The following FGF14 variants were observed in gnomAD, a reference collection of about 807,000 sequenced individuals.
FGF14 encodes the protein fibroblast growth factor homologous factor 4.
A neutral mutation model predicts 25.5 loss-of-function variants in FGF14; 5 were observed. The observed-to-expected ratio is 0.20, with a 90% CI of 0.10 to 0.41. The LOEUF is 0.41. Ranked by LOEUF, FGF14 falls within the 10% of genes least tolerant of loss-of-function variation. The pLI is 1.00. For missense variants in FGF14, 222 were observed against 320.1 expected (o/e 0.69, Z 2.34); for synonymous variants, 138 against 118.3 (o/e 1.17, Z -1.08).
At chr13:101,891,701 T>C (rs2029862099) in intron 1 of FGF14, among the ~76,000 whole-genome samples, 1 of 152,138 alleles carries the variant, frequency 6.6e-6, no homozygotes, top group Non-Finnish European at 1.5e-5. Flanking sequence ...TACATACATA[T>C]ACAAATATAC....
chr13:102,401,381 T>C, intron 1 of FGF14: 1 of 1,240,168 alleles, frequency 8.1e-7, no homozygotes, highest in Non-Finnish European at 1.2e-6. Context: ...TTCCCCTGCC[T>C]TCCTGCATAG....
At chr13:102,290,557 A>G (rs964214273) in intron 1 of FGF14, among the ~76,000 whole-genome samples, 2 of 152,168 alleles carry the variant, frequency 1.3e-5, no homozygotes, top group African/African-American at 2.4e-5. Context: ...TGAGAGAAAC[A>G]TATCTTTGGC....
chr13:102,294,559 C>A (rs2054598195), intron 1 of FGF14, among the ~76,000 whole-genome samples: 1 of 152,162 alleles, frequency 6.6e-6, no homozygotes, highest in African/African-American at 2.4e-5. Flanking sequence ...CAGGGGCATT[C>A]TTTTAACCCC....
chr13:102,291,398 C>T (rs868654557), intron 1 of FGF14, among the ~76,000 whole-genome samples: 4 of 152,242 alleles, frequency 2.6e-5, no homozygotes. Context: ...GAGAGGAACT[C>T]GCTAACATGT....
At chr13:102,375,503 CA>C (rs1251972665) in intron 1 of FGF14, among the ~76,000 whole-genome samples, 1 of 152,074 alleles carries the variant, frequency 6.6e-6, no homozygotes, top group East Asian at 1.9e-4. Context: ...GAAGACTAGG[CA>C]AGGCTTTACA....
chr13:101,776,098 T>A (rs2039085796), intron 3 of FGF14, among the ~76,000 whole-genome samples: 1 of 152,102 alleles, frequency 6.6e-6, no homozygotes, highest in African/African-American at 2.4e-5. Context: ...TTAATATAGA[T>A]GAACATTACA....
At position 101,953,264 on chromosome 13, in the gene FGF14, A is replaced by G. The variant is rs552511368; in HGVS notation, c.209-77968T>C. On this transcript the variant is annotated intron_variant, in intron 1 of 4. Transcript: ENST00000376131. ...GGTTCATCTGTGCACCAACGGTTTT[A>G]TATTCTTCTGACTTTTTTCTGTTTA... Among the ~76,000 whole-genome samples the G allele has an allele frequency of 4.6e-5, 7 of 152,164 alleles. No homozygotes were observed. In the South Asian group the frequency reaches 1.5e-3, roughly 32 times the overall value.
At chr13:102,092,848 A>T (rs560530834) in intron 1 of FGF14, among the ~76,000 whole-genome samples, 3 of 152,300 alleles carry the variant, frequency 2.0e-5, no homozygotes, top group African/African-American at 7.2e-5. Flanking sequence ...AGAAAAGGGA[A>T]AAAGACAGAA....
intron 1 of FGF14, among the ~76,000 whole-genome samples, chr13:102,185,273 A>C (rs770271409): frequency 3.3e-5 from 5 of 152,092 alleles, no homozygotes; most frequent in African/African-American, 9.7e-5. Context: ...GTTCTCATCC[A>C]TTTTCTTTCA....
In FGF14 at chr13:101,739,482, A is replaced by G. The variant is rs1426600379; in HGVS notation, c.409-12672T>C. Among the ~76,000 whole-genome samples, 3 of 152,214 alleles carry G rather than the reference A, an allele frequency of 2.0e-5. No individual in the cohort carries two copies. In the East Asian group the frequency reaches 5.8e-4, roughly 29 times the overall value. On this transcript the variant is annotated intron_variant, in intron 3 of 4. Transcript: ENST00000376143. ...GAGATCACATAGATAAATCTGGCCT[A>G]GCTTGGGTGGTAAGGAAAAGCATTG... is the stretch of plus-strand genomic sequence containing the variant.
intron 1 of FGF14, chr13:102,354,247 A>T (rs1248369975): frequency 2.6e-5 from 4 of 152,188 alleles, no homozygotes; most frequent in Non-Finnish European, 4.4e-5. Flanking sequence ...ACAGAACTCA[A>T]AGTCATCCCT....
chr13:102,304,703 T>C (rs1047820936), intron 1 of FGF14, among the ~76,000 whole-genome samples: 3 of 152,172 alleles, frequency 2.0e-5, no homozygotes, highest in African/African-American at 2.4e-5. Flanking sequence ...GATCATGTCA[T>C]GAGGACACAA....
At chr13:101,995,821 A>T (rs1230266808) in intron 1 of FGF14, among the ~76,000 whole-genome samples, 1 of 152,144 alleles carries the variant, frequency 6.6e-6, no homozygotes, top group African/African-American at 2.4e-5. Context: ...AATTGAACTC[A>T]TGACATAGAG....
intron 3 of FGF14, among the ~76,000 whole-genome samples, chr13:101,768,484 G>A (rs1234695770): frequency 6.6e-6 from 1 of 152,042 alleles, no homozygotes; most frequent in African/African-American, 2.4e-5. Flanking sequence ...AAGTTTACAC[G>A]GAGAGGCAAA....
chr13:102,275,236 CTCTCTCTCTCTCTCTCTCTCTCTCTT>C lies in FGF14; in HGVS notation c.208+126209_208+126234del, dbSNP rs199591092. On this transcript the variant is annotated intron_variant, in intron 1 of 4. Coordinates refer to the FGF14 transcript ENST00000376131. ...CTGCCAACTGAGATTAGGCAGATTT[CTCTCTCTCTCTCTCTCTCTCTCTCTT>C]TCTCTCTCTCTCTCTCTCTCTCTCT... Among the ~76,000 whole-genome samples, 39 of 88,786 alleles carry C rather than the reference CTCTCTCTCTCTCTCTCTCTCTCTCTT, an allele frequency of 4.4e-4. 1 individual carries two copies. In the East Asian group the frequency reaches 6.1e-3, roughly 14 times the overall value. 58.2% of individuals were successfully genotyped at this position (88,786 alleles called of 152,430 possible).
chr13:101,756,074 G>A (rs1318245172), intron 3 of FGF14, among the ~76,000 whole-genome samples: 2 of 152,134 alleles, frequency 1.3e-5, no homozygotes, highest in Non-Finnish European at 2.9e-5. Flanking sequence ...CGAGAGCACA[G>A]CAGGCTGAAT....
chr13:101,966,213 C>T (rs1030329784), intron 1 of FGF14, among the ~76,000 whole-genome samples: 2 of 152,062 alleles, frequency 1.3e-5, no homozygotes, highest in South Asian at 2.1e-4. Flanking sequence ...GGCTCTATTG[C>T]CATATAACTG....
intron 1 of FGF14, among the ~76,000 whole-genome samples, chr13:102,168,556 T>G (rs2048115922): frequency 6.6e-6 from 1 of 152,144 alleles, no homozygotes; most frequent in Admixed American, 6.6e-5. Context: ...GGGCTACCCT[T>G]TGATTAATGT....
intron 3 of FGF14, among the ~76,000 whole-genome samples, chr13:101,753,898 T>C (rs1288079410): frequency 6.6e-6 from 1 of 151,940 alleles, no homozygotes; most frequent in African/African-American, 2.4e-5. Context: ...ATCCTTTAAA[T>C]GCCAGGCAAG....
Sources: allele counts gnomAD v4.1 joint callset (sites outside exome capture counted in the v4.1 genomes callset), GRCh38; gene constraint gnomAD v4.1.1; transcripts MANE v1.5; gene names NCBI Gene and HGNC (gene_info 2026-07-23, HGNC 2026-07-21).